Variants in CRYBA4 observed in about 807,000 individuals in gnomAD.
CRYBA4 encodes beta-crystallin A4.
CRYBA4 carries 30 observed loss-of-function variants against 31.7 expected under a neutral mutation model. That is an observed-to-expected ratio of 0.95 (90% confidence interval 0.71 to 1.28). The LOEUF is 1.28. Ranked by LOEUF, CRYBA4 falls within the 50% of genes most tolerant of loss-of-function variation. CRYBA4 has a pLI of 0.00. For synonymous variants in CRYBA4, 102 were observed against 102.3 expected, an observed-to-expected ratio of 1.00 and a Z score of 0.02; for missense variants, 225 against 260.7, an observed-to-expected ratio of 0.86 and a Z score of 0.94.
upstream of CRYBA4, among the ~76,000 whole-genome samples, chr22:26,618,705 T>A (rs1929442796): frequency 6.6e-6 from 1 of 152,328 alleles, no homozygotes; most frequent in African/African-American, 2.4e-5. Flanking sequence ...TGGGCCTGTG[T>A]GCTTTCTTCT....
Position 26,628,289 on chromosome 22 carries a change from A to G in CRYBA4, c.302A>G (p.Asn101Ser). 6.2e-7 allele frequency: 1 copy of G among 1,613,868 alleles called. No homozygotes were observed. Among genetic ancestry groups the G allele is most frequent in the African/African-American group, 1.3e-5 (1 of 74,962 alleles). The change falls in exon 5 of 6, where the codon AAC becomes AGC. Residue 101 changes from asparagine to serine, a missense_variant and splice_region_variant. Coordinates refer to ENST00000354760, the MANE Select transcript of CRYBA4 (RefSeq NM_001886.3). The part of the protein sequence containing the change: ...LTSFRPAACA[N>S]HRDSRLTIFE... ...TGACTGTGTTCCCTGTTCCTGTAGA[A>G]CCACCGTGACTCGAGGCTGACAATC...
chr22:26,596,108 A>C, the CRYBA4 span, among the ~76,000 whole-genome samples: 1 of 151,790 alleles, frequency 6.6e-6, no homozygotes, highest in African/African-American at 2.4e-5. Context: ...TTTTTATTTT[A>C]TTTTATTTTT....
intron 4 of CRYBA4, among the ~76,000 whole-genome samples, chr22:26,627,373 T>G (rs1320721026): frequency 5.4e-5 from 2 of 37,314 alleles, no homozygotes; most frequent in African/African-American, 3.4e-4. Context: ...TCTTTCTTTC[T>G]TTCTTTCTTT....
At chr22:26,596,387 G>A in the CRYBA4 span, among the ~76,000 whole-genome samples, 2 of 152,168 alleles carry the variant, frequency 1.3e-5, no homozygotes, top group Non-Finnish European at 2.9e-5. Flanking sequence ...ATGAACCACT[G>A]TGCCTGGCCG....
chr22:26,616,072 A>G, the CRYBA4 span: 5 of 1,225,084 alleles, frequency 4.1e-6, no homozygotes, highest in Non-Finnish European at 4.8e-6. Context: ...GGAGGAGGAG[A>G]AGAAGGAGGA....
At chr22:26,590,944 A>G in the CRYBA4 span, among the ~76,000 whole-genome samples, 3 of 152,238 alleles carry the variant, frequency 2.0e-5, no homozygotes, top group African/African-American at 4.8e-5. Flanking sequence ...AGAGCTATCT[A>G]TGCATCGTAT....
the CRYBA4 span, among the ~76,000 whole-genome samples, chr22:26,605,278 T>C: frequency 6.6e-6 from 1 of 152,186 alleles, no homozygotes; most frequent in Non-Finnish European, 1.5e-5. Context: ...ATTAGCTTTT[T>C]GATAGCTGCC....
chr22:26,600,316 G>A, the CRYBA4 span, among the ~76,000 whole-genome samples: 15 of 152,150 alleles, frequency 9.9e-5, no homozygotes, highest in South Asian at 4.2e-4. Flanking sequence ...GCAGGAGAAC[G>A]GCGTGAACCC....
intron 4 of CRYBA4, among the ~76,000 whole-genome samples, chr22:26,626,829 CATCTAT>C (rs1337012746): frequency 3.9e-5 from 6 of 152,188 alleles, no homozygotes; most frequent in Non-Finnish European, 8.8e-5. Flanking sequence ...TCAACATCTA[CATCTAT>C]ATCTGTATAA....
the CRYBA4 span, among the ~76,000 whole-genome samples, chr22:26,603,135 A>C: frequency 2.5e-4 from 37 of 146,788 alleles, no homozygotes; most frequent in Admixed American, 1.9e-3. Flanking sequence ...CAAAAAAAAA[A>C]AAAAAAAAAC....
the CRYBA4 span, chr22:26,616,012 G>A: frequency 4.7e-5 from 37 of 781,922 alleles, no homozygotes; most frequent in East Asian, 9.4e-4. Context: ...AATAAGCCAA[G>A]AAAAAGGAGG....
intron 5 of CRYBA4, 111 bp downstream of exon 5, chr22:26,628,541 C>T: frequency 7.9e-7 from 1 of 1,263,344 alleles, no homozygotes; most frequent in Non-Finnish European, 1.1e-6. Context: ...GCCCACATTC[C>T]AGAGGAGAAC....
chr22:26,593,084 T>C, the CRYBA4 span, among the ~76,000 whole-genome samples: 3 of 152,200 alleles, frequency 2.0e-5, no homozygotes, highest in Non-Finnish European at 4.4e-5. Context: ...GAATTTGATG[T>C]GACTTTGAAG....
chr22:26,625,788 G>A (rs1206502486), intron 4 of CRYBA4, among the ~76,000 whole-genome samples, 166 bp downstream of exon 4: 1 of 152,210 alleles, frequency 6.6e-6, no homozygotes, highest in East Asian at 1.9e-4. Context: ...ATCTTGAAAT[G>A]GGGCAATAGT....
the CRYBA4 span, among the ~76,000 whole-genome samples, chr22:26,603,864 C>T: frequency 1.3e-5 from 2 of 152,092 alleles, no homozygotes; most frequent in African/African-American, 4.8e-5. Context: ...GCAGAGGTTG[C>T]AGTGAGCCAA....
chr22:26,610,898 G>C, the CRYBA4 span, among the ~76,000 whole-genome samples: 1 of 152,168 alleles, frequency 6.6e-6, no homozygotes, highest in Non-Finnish European at 1.5e-5. Flanking sequence ...GCTCATCTCG[G>C]AATGGGCTCA....
chr22:26,604,132 A>G, the CRYBA4 span, among the ~76,000 whole-genome samples: 1 of 104,348 alleles, frequency 9.6e-6, no homozygotes, highest in Non-Finnish European at 1.9e-5. Context: ...AGAGATGAAC[A>G]GGAAATAGCA....
At chr22:26,617,603 C>T (rs1413174406), upstream of CRYBA4, among the ~76,000 whole-genome samples, 1 of 151,902 alleles carries the variant, frequency 6.6e-6, no homozygotes, top group Non-Finnish European at 1.5e-5. Flanking sequence ...TCACCCTCTC[C>T]CTCTGTTCCT....
chr22:26,629,657 C>T (rs934748461), intron 5 of CRYBA4, among the ~76,000 whole-genome samples: 12 of 141,298 alleles, frequency 8.5e-5, no homozygotes, highest in African/African-American at 3.1e-4. Context: ...ATTACTTGAA[C>T]CCAGGAGGCA....
Sources: gnomAD v4.1 joint callset for allele counts (sites outside exome capture counted in the v4.1 genomes callset) on GRCh38, gnomAD v4.1.1 for gene constraint, MANE v1.5 for transcripts, NCBI Gene and HGNC (gene_info 2026-07-23, HGNC 2026-07-21) for gene names.